Variants in SLC27A2 observed in about 807,000 individuals in gnomAD.
SLC27A2 encodes the protein long-chain fatty acid transport protein 2.
A neutral mutation model predicts 60.0 loss-of-function variants in SLC27A2; 54 were observed. That is an observed-to-expected ratio of 0.90 (90% confidence interval 0.72 to 1.13). The LOEUF (loss-of-function observed/expected upper bound fraction) is 1.13, where lower values mean the gene tolerates loss of function less well. SLC27A2 is among the 50% of genes most tolerant of loss of function. The pLI, the probability that SLC27A2 is intolerant of heterozygous loss-of-function variation, is 0.00. For synonymous variants in SLC27A2, 297 were observed against 297.6 expected, an observed-to-expected ratio of 1.00 and a Z score of 0.02; for missense variants, 739 against 777.6, an observed-to-expected ratio of 0.95 and a Z score of 0.59.
At position 50,218,060 on chromosome 15, in the gene SLC27A2, C is replaced by CAAAAA. The variant is rs34661754; in HGVS notation, c.973-4883_973-4879dup. On this transcript the variant is annotated intron_variant, in intron 4 of 9. Coordinates refer to ENST00000267842, the MANE Select transcript of SLC27A2 (RefSeq NM_003645.4). ...CAGGGCGAGAGGCGAGACTCTGTCTCAAAAAAAAAAAAAAAAAAAAAAAAA... is the reference window on the plus strand; with the variant it reads ...CAGGGCGAGAGGCGAGACTCTGTCTCAAAAAAAAAAAAAAAAAAAAAAAAAAAAAA... Among the ~76,000 whole-genome samples, 81 of 63,878 alleles carry CAAAAA rather than the reference C, an allele frequency of 1.3e-3. 6 individuals are homozygous for CAAAAA. Among genetic ancestry groups the CAAAAA allele is most frequent in the African/African-American group, 5.3e-3 (77 of 14,536 alleles). The allele number at this position is 63,878 out of a possible 152,430, so 41.9% of individuals were successfully genotyped here.
At chr15:50,218,113 T>C (rs2045215604) in intron 4 of SLC27A2, among the ~76,000 whole-genome samples, 1 of 148,834 alleles carries the variant, frequency 6.7e-6, no homozygotes, top group East Asian at 2.0e-4. Context: ...TAATGTATCA[T>C]TAATATCCTC....
chr15:50,206,038 C>G (rs1407902625), intron 4 of SLC27A2, among the ~76,000 whole-genome samples: 1 of 152,312 alleles, frequency 6.6e-6, no homozygotes, highest in East Asian at 1.9e-4. Context: ...GGGTTGTTCT[C>G]AAGAGCTCCT....
intron 8 of SLC27A2, among the ~76,000 whole-genome samples, chr15:50,231,625 C>T (rs2045317543): frequency 6.6e-6 from 1 of 152,094 alleles, no homozygotes; most frequent in South Asian, 2.1e-4. Context: ...ATCTAATGGA[C>T]CAGAAGCTCT....
At position 50,223,035 on chromosome 15, in the gene SLC27A2, AATTTGTCAAGAG is replaced by A; in HGVS notation, c.1049_1060del (p.Val350_Phe353del). On this transcript the variant is annotated inframe_deletion, in exon 5 of 10. Coordinates refer to ENST00000267842, the MANE Select transcript of SLC27A2 (RefSeq NM_003645.4). ...GGCTTACGAGGAGATGTGTGGAGACAATTTGTCAAGAGATTTGGGGACATATGCATCTATGAG... is the reference window on the plus strand; with the variant it reads ...GGCTTACGAGGAGATGTGTGGAGACAATTTGGGGACATATGCATCTATGAG... 6.2e-7 allele frequency: 1 copy of A among 1,614,050 alleles called. No homozygotes were observed. Among genetic ancestry groups the A allele is most frequent in the Non-Finnish European group, 8.5e-7 (1 of 1,179,958 alleles).
At chr15:50,191,791 G>A (rs535850318) in intron 1 of SLC27A2, among the ~76,000 whole-genome samples, 1 of 152,302 alleles carries the variant, frequency 6.6e-6, no homozygotes, top group East Asian at 1.9e-4. Flanking sequence ...ACCAGGCAGT[G>A]GCTCATGCCT....
At chr15:50,230,625 C>T (rs936743784) in intron 8 of SLC27A2, among the ~76,000 whole-genome samples, 3 of 152,064 alleles carry the variant, frequency 2.0e-5, no homozygotes, top group Non-Finnish European at 4.4e-5. Context: ...GAAATATGGC[C>T]ACATCTTGAT....
At chr15:50,217,341 G>A (rs1452359839) in intron 4 of SLC27A2, among the ~76,000 whole-genome samples, 2 of 152,120 alleles carry the variant, frequency 1.3e-5, no homozygotes, top group African/African-American at 4.8e-5. Context: ...TTTTTCTCTG[G>A]AGAGCTAAAG....
chr15:50,198,641 G>C (rs912566924), intron 2 of SLC27A2, among the ~76,000 whole-genome samples: 1 of 152,094 alleles, frequency 6.6e-6, no homozygotes, highest in African/African-American at 2.4e-5. Context: ...TATGAAGCCT[G>C]AGGGATATAT....
In SLC27A2 at chr15:50,205,340, C is replaced by T. The variant is rs764110560; in HGVS notation, c.949C>T (p.Arg317Trp). 4 of 1,607,432 alleles carry T rather than the reference C, an allele frequency of 2.5e-6. No individual in the cohort carries two copies. The highest frequency in any genetic ancestry group is 2.2e-5 in the East Asian group (1 of 44,774). ...TVIQYIGELLRYLCNSPQKPN... is the reference protein window; with the variant it reads ...TVIQYIGELLWYLCNSPQKPN... Reference sequence around the variant, plus strand: ...CATTCAGTATATCGGTGAACTGCTTCGGTATTTATGCAACTCACCACAGGT... The same window carrying T: ...CATTCAGTATATCGGTGAACTGCTTTGGTATTTATGCAACTCACCACAGGT... Residue 317 changes from arginine (R) to tryptophan (W), a missense_variant, in exon 4 of 10, where the codon CGG becomes TGG. Physicochemically the swap from Arg to Trp is moderately radical, Grantham distance 101. Transcript: ENST00000267842.
At chr15:50,201,394 T>C (rs941053065) in intron 2 of SLC27A2, among the ~76,000 whole-genome samples, 1 of 152,054 alleles carries the variant, frequency 6.6e-6, no homozygotes, top group African/African-American at 2.4e-5. Flanking sequence ...TAACAGCAAA[T>C]AGTATAAATA....
chr15:50,190,670 A>C (rs1304723422), intron 1 of SLC27A2, among the ~76,000 whole-genome samples: 1 of 151,484 alleles, frequency 6.6e-6, no homozygotes, highest in African/African-American at 2.4e-5. Flanking sequence ...TAATTTTTTA[A>C]AATTTTCTTT....
intron 1 of SLC27A2, among the ~76,000 whole-genome samples, chr15:50,191,746 A>C (rs1224893239): frequency 6.6e-6 from 1 of 152,212 alleles, no homozygotes; most frequent in Non-Finnish European, 1.5e-5. Context: ...AGGTAGATAG[A>C]TATTTTATGC....
intron 4 of SLC27A2, 148 bp downstream of exon 4, chr15:50,205,511 C>G: frequency 1.5e-6 from 1 of 656,070 alleles, no homozygotes; most frequent in Non-Finnish European, 2.4e-6. Flanking sequence ...GGCACTATAC[C>G]TACCATATAG....
intron 1 of SLC27A2, among the ~76,000 whole-genome samples, chr15:50,185,788 C>G (rs2140893430): frequency 6.6e-6 from 1 of 151,914 alleles, no homozygotes; most frequent in Non-Finnish European, 1.5e-5. Context: ...CGCCACCACG[C>G]CCGGATAATT....
rs2045033156 is a variant in SLC27A2 at position 50,197,530 on chromosome 15, C to T, written c.509C>T (p.Pro170Leu). ...ELQAAVEEIL[P>L]SLKKDDVSIY... ...CAAGCAGCTGTCGAAGAGATACTGC[C>T]AAGCCTTAAAAAAGATGATGTGTCC... Residue 170 changes from proline (P) to leucine (L), a missense_variant, in exon 2 of 10, where the codon CCA (proline) becomes CTA (leucine). Pro to Leu is a moderately conservative substitution (Grantham distance 98, BLOSUM62 -3). Coordinates refer to ENST00000267842, the MANE Select transcript of SLC27A2 (RefSeq NM_003645.4). 7 of 1,613,778 alleles carry T rather than the reference C, an allele frequency of 4.3e-6. No homozygotes were observed. The highest frequency in any genetic ancestry group is 5.1e-6 in the Non-Finnish European group (6 of 1,179,818).
At position 50,235,849 on chromosome 15, in the gene SLC27A2, C is replaced by T. The variant is rs1595695087; in HGVS notation, c.1687-71C>T. The T allele has an allele frequency of 4.0e-6, 5 of 1,251,322 alleles. No individual in the cohort carries two copies. The East Asian group carries it at 1.2e-4, about 30-fold the overall frequency. 77.5% of individuals were successfully genotyped at this position (1,251,322 alleles called of 1,614,324 possible). On this transcript the variant is annotated intron_variant, in intron 9 of 9. Transcript: ENST00000267842. ...ATTTGCTAGATCCCCATGCCCCACC[C>T]CTACCCCTTGCTCTGCATCCTAATC...
chr15:50,211,307 C>G (rs1266260552), intron 4 of SLC27A2, among the ~76,000 whole-genome samples: 2 of 152,184 alleles, frequency 1.3e-5, no homozygotes, highest in East Asian at 3.8e-4. Flanking sequence ...CATCACAGGA[C>G]TCTGTTCAGA....
Position 50,201,592 on chromosome 15 carries a change from G to T in SLC27A2, c.689-895G>T, listed in dbSNP as rs977290594. Reference sequence around the variant, plus strand: ...TTTTTTTGAGATGGAGTCTTGCTCTGTCACCCAGGCTGGAGTGCAGTGGCG... The same window carrying T: ...TTTTTTTGAGATGGAGTCTTGCTCTTTCACCCAGGCTGGAGTGCAGTGGCG... On this transcript the variant is annotated intron_variant, in intron 2 of 9. Transcript: ENST00000267842. Among the ~76,000 whole-genome samples the T allele has an allele frequency of 4.0e-5, 6 of 150,588 alleles. No homozygotes were observed. In the South Asian group the frequency reaches 1.3e-3, roughly 32 times the overall value.
At chr15:50,200,644 A>T (rs552499837) in intron 2 of SLC27A2, among the ~76,000 whole-genome samples, 2 of 152,278 alleles carry the variant, frequency 1.3e-5, no homozygotes, top group South Asian at 4.1e-4. Flanking sequence ...AAGTCTGTTT[A>T]CCCACTCAGA....
Sources: allele counts gnomAD v4.1 joint callset (sites outside exome capture counted in the v4.1 genomes callset), GRCh38; gene constraint gnomAD v4.1.1; transcripts MANE v1.5; gene names NCBI Gene and HGNC (gene_info 2026-07-23, HGNC 2026-07-21).